The following CAD variants were observed in gnomAD, a reference collection of about 807,000 sequenced individuals.
The protein encoded by CAD is carbamoyl-phosphate synthetase 2, aspartate transcarbamylase, and dihydroorotase, also known as multifunctional protein CAD.
Under a neutral mutation model 237.2 loss-of-function variants are expected in CAD, and 81 were observed. That is an observed-to-expected ratio of 0.34 (90% confidence interval 0.29 to 0.41). CAD has a LOEUF of 0.41. Ranked by LOEUF, CAD falls within the 10% of genes least tolerant of loss-of-function variation. The probability of loss-of-function intolerance (pLI) is 1.00; values close to 1 mark genes in which losing one functional copy is unlikely to be tolerated. For missense variants in CAD, 2,181 were observed against 2,951.7 expected (o/e 0.74, Z 6.05); for synonymous variants, 1,196 against 1,162.8 (o/e 1.03, Z -0.58).
chr2:27,235,097 C>T lies in CAD; in HGVS notation c.3787-148C>T, dbSNP rs1224085335. 4 of 688,858 alleles carry T rather than the reference C, an allele frequency of 5.8e-6. No individual in the cohort carries two copies. Among genetic ancestry groups the T allele is most frequent in the East Asian group, 5.6e-5 (2 of 35,756 alleles). 42.7% of individuals were successfully genotyped at this position (688,858 alleles called of 1,614,324 possible). On this transcript the variant is annotated intron_variant, in intron 23 of 43. Coordinates refer to ENST00000264705, the MANE Select transcript of CAD (RefSeq NM_004341.5). The surrounding 1 kb of genome is among the most constrained non-coding windows in gnomAD (Gnocchi z 5.2). ...AGAAGCTGAGGGATGACCCCAAGTA[C>T]GTTTGGAAAGCAGGAGGGCACACAG...
rs1436443611 is a variant in CAD at position 27,233,735 on chromosome 2, G to A, written c.3326G>A (p.Arg1109His). The A allele has an allele frequency of 8.7e-6, 14 of 1,613,984 alleles. No individual in the cohort carries two copies. The highest frequency in any genetic ancestry group is 2.2e-5 in the East Asian group (1 of 44,886). The change falls in exon 21 of 44, where the codon CGC (arginine) becomes CAC (histidine). Residue 1109 changes from arginine (R) to histidine (H), a missense_variant. Transcript: ENST00000264705. This position sits in a 1 kb window ranked among gnomAD's most constrained non-coding sequence, Gnocchi z 6.3. ...GCCTACACGGATGGAGACCTGGAGC[G>A]CTTCCTGAGCAGCGCAGCAGCCGTC... ...NVAYTDGDLE[R>H]FLSSAAAVSK...
Position 27,240,560 on chromosome 2 carries a change from T to G in CAD, c.5593+199T>G. The G allele has an allele frequency of 1.3e-6, 2 of 1,547,566 alleles. No individual in the cohort carries two copies. The highest frequency in any genetic ancestry group is 1.7e-6 in the Non-Finnish European group (2 of 1,145,358). On this transcript the variant is annotated intron_variant, in intron 35 of 43. Transcript: ENST00000264705. The surrounding 1 kb of genome is among the most constrained non-coding windows in gnomAD (Gnocchi z 4.6). ...GCTTCTCACATGCCCTTTTTTGTTGTGGGCAGCTGTGTTCCTCCGCCCAGG... is the reference window on the plus strand; with the variant it reads ...GCTTCTCACATGCCCTTTTTTGTTGGGGGCAGCTGTGTTCCTCCGCCCAGG...
rs1572416168 is a variant in CAD, at chr2:27,217,489, C to G, written c.-63C>G. On this transcript the variant is annotated 5_prime_UTR_variant, in exon 1 of 44. Transcript: ENST00000264705. ...TCCGGCGCGCCGTCCTCACGTGGTT[C>G]CAGTGGAGTTTGCAGTCCTTCCCGC... 2 of 1,370,442 alleles carry G rather than the reference C, an allele frequency of 1.5e-6. No homozygotes were observed. Among genetic ancestry groups the G allele is most frequent in the East Asian group, 5.0e-5 (2 of 40,390 alleles). 84.9% of individuals were successfully genotyped at this position (1,370,442 alleles called of 1,614,324 possible).
chr2:27,226,497 C>T, intron 13 of CAD, 28 bp from the exon 14 acceptor site: 1 of 1,612,770 alleles, frequency 6.2e-7, no homozygotes, highest in Non-Finnish European at 8.5e-7. Flanking sequence ...GTCTTCTAGG[C>T]CAGTGACTTT....
At chr2:27,231,639 C>G (rs1675763983) in intron 16 of CAD, 59 bp downstream of exon 16, 1 of 1,029,098 alleles carries the variant, frequency 9.7e-7, no homozygotes, top group South Asian at 1.3e-5. Flanking sequence ...CTCATCGCCC[C>G]CAGACCATGA....
At position 27,232,433 on chromosome 2, in the gene CAD, C is replaced by T. The variant is rs201094960; in HGVS notation, c.2646-15C>T. On this transcript the variant is annotated splice_polypyrimidine_tract_variant and intron_variant, in intron 17 of 43. Coordinates refer to ENST00000264705, the MANE Select transcript of CAD (RefSeq NM_004341.5). The surrounding 1 kb of genome is among the most constrained non-coding windows in gnomAD (Gnocchi z 4.1). The stretch of plus-strand genomic sequence containing the variant: ...ACTCTCTGGGCCTGTGTTTCAGACC[C>T]TTTTTCTATTTTAGCACAGAGCTGG... 4.3e-6 allele frequency: 7 copies of T among 1,613,890 alleles called. No individual in the cohort carries two copies. Among genetic ancestry groups the T allele is most frequent in the African/African-American group, 2.7e-5 (2 of 74,910 alleles).
At position 27,241,818 on chromosome 2, in the gene CAD, C is replaced by A; in HGVS notation, c.5884-93C>A. Reference sequence around the variant, plus strand: ...TGGGTGCAGAAGGGTCCTCACAGCACCCCTCAAGTGTCAGTTGGGGTGGTG... The same window carrying A: ...TGGGTGCAGAAGGGTCCTCACAGCAACCCTCAAGTGTCAGTTGGGGTGGTG... On this transcript the variant is annotated intron_variant, in intron 38 of 43. Transcript: ENST00000264705. This position sits in a 1 kb window ranked among gnomAD's most constrained non-coding sequence, Gnocchi z 4.6. 2 of 1,009,330 alleles carry A rather than the reference C, an allele frequency of 2.0e-6. No homozygotes were observed. Among genetic ancestry groups the A allele is most frequent in the Non-Finnish European group, 3.0e-6 (2 of 660,546 alleles). The allele number at this position is 1,009,330 out of a possible 1,614,324, so 62.5% of individuals were successfully genotyped here.
chr2:27,235,631 T>C lies in CAD; in HGVS notation c.4065T>C (p.His1355=), dbSNP rs202167749. ...GCACAGCTGACTTCTACACTGAGCA[T>C]GGCGTCAAGGTGCAGGAACTCTGGC... ...SLGTADFYTE[H]GVKVTAVDWH... The change falls in exon 25 of 44, where the codon CAT becomes CAC. Residue 1355 remains histidine (H), a synonymous_variant. Coordinates refer to ENST00000264705, the MANE Select transcript of CAD (RefSeq NM_004341.5). This position sits in a 1 kb window ranked among gnomAD's most constrained non-coding sequence, Gnocchi z 5.2. 1.1e-4 allele frequency: 172 copies of C among 1,614,060 alleles called. 1 individual carries two copies. In the East Asian group the frequency reaches 2.9e-3, roughly 27 times the overall value.
At position 27,242,196 on chromosome 2, in the gene CAD, GT is replaced by G. The variant is rs1676354054; in HGVS notation, c.6096+77del. ...GGGGCATGAGAACCCTTCTGCCCAC[GT>G]TTTCTGTGTTTTGGGCCAGATGAGT... On this transcript the variant is annotated intron_variant, in intron 39 of 43. Coordinates refer to ENST00000264705, the MANE Select transcript of CAD (RefSeq NM_004341.5). The surrounding 1 kb of genome is among the most constrained non-coding windows in gnomAD (Gnocchi z 6.4). 1 of 1,586,858 alleles carries G rather than the reference GT, an allele frequency of 6.3e-7. No homozygotes were observed. Among genetic ancestry groups the G allele is most frequent in the Non-Finnish European group, 8.6e-7 (1 of 1,163,246 alleles).
rs746719792 is a variant in CAD, at chr2:27,225,063, T to C, written c.1440T>C (p.Thr480=). Residue 480 remains threonine (T), a synonymous_variant, in exon 11 of 44, where the codon ACT becomes ACC. Coordinates refer to ENST00000264705, the MANE Select transcript of CAD (RefSeq NM_004341.5). Reference sequence around the variant, plus strand: ...TGTTACTGACTTTTGGGGGCCAGACTGCTCTGAACTGTGGTGTGGAGCTGA... The same window carrying C: ...TGTTACTGACTTTTGGGGGCCAGACCGCTCTGAACTGTGGTGTGGAGCTGA... The part of the protein sequence containing the change: ...DGVLLTFGGQ[T]ALNCGVELTK... 1 of 1,613,724 alleles carries C rather than the reference T, an allele frequency of 6.2e-7. No individual in the cohort carries two copies. Among genetic ancestry groups the C allele is most frequent in the Admixed American group, 1.7e-5 (1 of 59,996 alleles).
Position 27,242,342 on chromosome 2 carries a change from G to A in CAD, c.6137G>A (p.Gly2046Glu). The A allele has an allele frequency of 6.2e-7, 1 of 1,614,010 alleles. No individual in the cohort carries two copies. Among genetic ancestry groups the A allele is most frequent in the Non-Finnish European group, 8.5e-7 (1 of 1,179,924 alleles). Residue 2046 changes from glycine (G) to glutamate (E), a missense_variant, in exon 40 of 44, where the codon GGG becomes GAG. By Grantham distance (98) the Gly-to-Glu change is moderately conservative. Transcript: ENST00000264705. The surrounding 1 kb of genome is among the most constrained non-coding windows in gnomAD (Gnocchi z 6.4). ...TGCCGGAGGCCAGTGATCAATGCTGGGGATGGGGTCGGAGAGCACCCCACC... is the reference window on the plus strand; with the variant it reads ...TGCCGGAGGCCAGTGATCAATGCTGAGGATGGGGTCGGAGAGCACCCCACC... Reference protein sequence around the residue: ...KHCRRPVINAGDGVGEHPTQA... With the variant: ...KHCRRPVINAEDGVGEHPTQA...
At position 27,226,193 on chromosome 2, in the gene CAD, C is replaced by T; in HGVS notation, c.1905C>T (p.Ala635=). The change falls in exon 13 of 44, where the codon GCC becomes GCT. Residue 635 remains alanine (A), a synonymous_variant. Transcript: ENST00000264705. ...GIHTGESIVV[A]PSQTLNDREY... ...ACACTGGTGAGTCCATAGTGGTGGC[C>T]CCTAGCCAGACACTGAATGACAGGG... 2.5e-6 allele frequency: 4 copies of T among 1,614,056 alleles called. No homozygotes were observed. Among genetic ancestry groups the T allele is most frequent in the Non-Finnish European group, 2.5e-6 (3 of 1,179,962 alleles).
At position 27,226,252 on chromosome 2, in the gene CAD, TG is replaced by T; in HGVS notation, c.1965del (p.Thr656ProfsTer16). On this transcript the variant is annotated frameshift_variant, in exon 13 of 44. Transcript: ENST00000264705. LOFTEE classifies it high-confidence loss of function. ...CTCCTGAGGCAGACAGCTATCAAGG[TG>T]ACCCAGCACCTGGGAATTGTTGGGG... Reference protein sequence around the residue: ...YQLLRQTAIKVTQHLGIVGEC... With the variant: ...YQLLRQTAIKXTQHLGIVGEC... The T allele has an allele frequency of 6.2e-7, 1 of 1,614,144 alleles. No individual in the cohort carries two copies. Among genetic ancestry groups the T allele is most frequent in the Non-Finnish European group, 8.5e-7 (1 of 1,180,012 alleles).
intron 3 of CAD, 105 bp from the exon 4 acceptor site, chr2:27,222,089 G>C: frequency 8.8e-7 from 1 of 1,137,036 alleles, no homozygotes; most frequent in Non-Finnish European, 1.3e-6. Context: ...ACATAGAACA[G>C]CTGTGTGTGA....
chr2:27,231,871 C>T (rs1195151506), intron 16 of CAD, 109 bp from the exon 17 acceptor site: 2 of 1,346,188 alleles, frequency 1.5e-6, no homozygotes, highest in Non-Finnish European at 2.1e-6. Context: ...GTTACACAGC[C>T]TGTGCTCTGG....
At chr2:27,222,830 T>C (rs376686720) in intron 5 of CAD, 36 bp from the exon 6 acceptor site, 15 of 1,607,708 alleles carry the variant, frequency 9.3e-6, no homozygotes, top group African/African-American at 1.3e-5. Flanking sequence ...GTAATTGAAA[T>C]ACTGATTTTG....
At position 27,232,790 on chromosome 2, in the gene CAD, C is replaced by T; in HGVS notation, c.2892+96C>T. 6.7e-7 allele frequency: 1 copy of T among 1,494,446 alleles called. No individual in the cohort carries two copies. Among genetic ancestry groups the T allele is most frequent in the Admixed American group, 1.7e-5 (1 of 58,418 alleles). 92.6% of individuals were successfully genotyped at this position (1,494,446 alleles called of 1,614,324 possible). ...CCTGGCATTTCCTATTAATTGCCGT[C>T]CCTTACTTTGGTCATAGAGCTTTGG... is the stretch of plus-strand genomic sequence containing the variant. On this transcript the variant is annotated intron_variant, in intron 18 of 43. Coordinates refer to ENST00000264705, the MANE Select transcript of CAD (RefSeq NM_004341.5). This position sits in a 1 kb window ranked among gnomAD's most constrained non-coding sequence, Gnocchi z 4.1.
chr2:27,238,460 G>A lies in CAD; in HGVS notation c.4890G>A (p.Arg1630=), dbSNP rs1210903316. ...EILLIKAAKA[R]GLPVTCEVAP... ...TGCTAATTAAAGCTGCAAAGGCACG[G>A]GGCTTGCCAGTGACCTGCGAGGTGG... is the stretch of plus-strand genomic sequence containing the variant. The change falls in exon 31 of 44, where the codon CGG becomes CGA. Residue 1630 remains arginine, a synonymous_variant. Transcript: ENST00000264705. The A allele has an allele frequency of 6.2e-7, 1 of 1,600,326 alleles. No individual in the cohort carries two copies. Among genetic ancestry groups the A allele is most frequent in the Admixed American group, 1.7e-5 (1 of 57,930 alleles).
rs769692986 is a variant in CAD at position 27,242,796 on chromosome 2, CCTGGAAGCCA to C, written c.6378+22_6378+31del. The stretch of plus-strand genomic sequence containing the variant: ...AGCAGGTGAGACCCTCACAGCCCTG[CCTGGAAGCCA>C]TGGAGATGTGGGTTGGGCAGTCAGA... On this transcript the variant is annotated intron_variant, in intron 41 of 43. Coordinates refer to ENST00000264705, the MANE Select transcript of CAD (RefSeq NM_004341.5). This position sits in a 1 kb window ranked among gnomAD's most constrained non-coding sequence, Gnocchi z 6.4. 2.5e-6 allele frequency: 4 copies of C among 1,614,176 alleles called. No homozygotes were observed. The highest frequency in any genetic ancestry group is 1.7e-4 in the Middle Eastern group (1 of 6,056).
Sources: gnomAD v4.1 joint callset for allele counts on GRCh38, gnomAD v4.1.1 for gene constraint, Gnocchi (gnomAD v3.1) non-coding constraint, MANE v1.5 for transcripts, NCBI Gene and HGNC (gene_info 2026-07-23, HGNC 2026-07-21) for gene names.